The following LRP1B variants were observed in gnomAD, a reference collection of about 807,000 sequenced individuals.
LRP1B encodes the protein low-density lipoprotein receptor-related protein 1B.
Under a neutral mutation model 556.6 loss-of-function variants are expected in LRP1B, and 217 were observed. That is an observed-to-expected ratio of 0.39 (90% CI 0.35 to 0.44). The LOEUF (loss-of-function observed/expected upper bound fraction) is 0.44, where lower values mean the gene tolerates loss of function less well. Among genes scored for constraint, LRP1B ranks in the 20% least tolerant of loss-of-function variants. The pLI is 1.00. For missense variants in LRP1B, 5,053 were observed against 5,620.8 expected, an observed-to-expected ratio of 0.90 and a Z score of 3.23; for synonymous variants, 2,047 against 1,865.8, an observed-to-expected ratio of 1.10 and a Z score of -2.50.
chr2:140,873,942 T>A lies in LRP1B; in HGVS notation c.4170-5679A>T, dbSNP rs564162091. ...GAAAGTTATAAAAATAAAGAGGTTTTTTTTTGGTAAGAAAGCTTAAAGAGA... is the reference window on the plus strand; with the variant it reads ...GAAAGTTATAAAAATAAAGAGGTTTATTTTTGGTAAGAAAGCTTAAAGAGA... On this transcript the variant is annotated intron_variant, in intron 25 of 90. Transcript: ENST00000389484. Among the ~76,000 whole-genome samples, 4 of 151,964 alleles carry A rather than the reference T, an allele frequency of 2.6e-5. No individual in the cohort carries two copies. The South Asian group carries it at 8.3e-4, about 31-fold the overall frequency.
intron 3 of LRP1B, among the ~76,000 whole-genome samples, chr2:141,289,452 T>G (rs1233464454): frequency 6.8e-6 from 1 of 147,918 alleles, no homozygotes; most frequent in East Asian, 2.1e-4. Flanking sequence ...TATAATAATC[T>G]CACATAAATT....
rs115978473 is a variant in LRP1B, at chr2:141,473,693, T to G, written c.343+6703A>C. On this transcript the variant is annotated intron_variant, in intron 3 of 90. Transcript: ENST00000389484. ...CCTAGGTCTTCCTGGGTAATTCCAC[T>G]TCTTTGTTTCTTAGCTGTAGACTTA... Among the ~76,000 whole-genome samples the G allele has an allele frequency of 6.6e-3, 1,010 of 152,276 alleles. 13 individuals carry two copies. Among genetic ancestry groups the G allele is most frequent in the African/African-American group, 0.023 (976 of 41,558 alleles).
intron 2 of LRP1B, among the ~76,000 whole-genome samples, chr2:141,582,021 AAT>A (rs1262737339): frequency 1.3e-5 from 2 of 152,240 alleles, no homozygotes; most frequent in African/African-American, 4.8e-5. Flanking sequence ...AGTAATGTCA[AAT>A]ATATGAACGA....
intron 3 of LRP1B, among the ~76,000 whole-genome samples, chr2:141,351,458 C>G (rs776074621): frequency 4.6e-5 from 7 of 151,998 alleles, no homozygotes; most frequent in Non-Finnish European, 8.8e-5. Context: ...TCTGACCAGG[C>G]TGTTCTATAT....
chr2:141,472,680 T>C (rs1165151661), intron 3 of LRP1B, among the ~76,000 whole-genome samples: 1 of 152,208 alleles, frequency 6.6e-6, no homozygotes, highest in Non-Finnish European at 1.5e-5. Context: ...GTAACTTCAT[T>C]TGAAACCACT....
rs1013270598 is a variant in LRP1B at position 140,258,279 on chromosome 2, T to A, written c.13248-11117A>T. Among the ~76,000 whole-genome samples, 7 of 151,666 alleles carry A rather than the reference T, an allele frequency of 4.6e-5. No individual in the cohort carries two copies. In the East Asian group the frequency reaches 9.8e-4, roughly 21 times the overall value. On this transcript the variant is annotated intron_variant, in intron 86 of 90. Coordinates refer to ENST00000389484, the MANE Select transcript of LRP1B (RefSeq NM_018557.3). ...CTCTAAATGAATGTCCCTGTGGTAC[T>A]TACATATTCACCTTGAATCCTTCTG...
At chr2:140,685,502 G>A (rs1443368814) in intron 41 of LRP1B, among the ~76,000 whole-genome samples, 1 of 152,162 alleles carries the variant, frequency 6.6e-6, no homozygotes, top group African/African-American at 2.4e-5. Flanking sequence ...GTGAACAGGA[G>A]AAGACAGGCT....
intron 59 of LRP1B, among the ~76,000 whole-genome samples, chr2:140,478,392 G>A (rs946718772): frequency 6.6e-5 from 10 of 151,894 alleles, no homozygotes; most frequent in South Asian, 2.1e-4. Flanking sequence ...CTTGTGATCC[G>A]CCTGCCTCAG....
At chr2:141,102,572 C>T (rs959902860) in intron 7 of LRP1B, among the ~76,000 whole-genome samples, 4 of 151,854 alleles carry the variant, frequency 2.6e-5, no homozygotes, top group East Asian at 1.9e-4. Context: ...GGTGCAAATA[C>T]GGCCAAATGA....
chr2:141,056,137 G>C (rs1459230824), intron 9 of LRP1B, among the ~76,000 whole-genome samples: 1 of 151,614 alleles, frequency 6.6e-6, no homozygotes, highest in Non-Finnish European at 1.5e-5. Flanking sequence ...TATTATCTTT[G>C]TATTCTTCAT....
chr2:140,808,189 T>C (rs1690791227), intron 32 of LRP1B, among the ~76,000 whole-genome samples: 1 of 78,618 alleles, frequency 1.3e-5, no homozygotes, highest in Non-Finnish European at 3.4e-5. Flanking sequence ...TGAAAGGTGT[T>C]AACAGTCCTC....
rs569547136 is a variant in LRP1B at position 140,571,058 on chromosome 2, T to C, written c.7194+27573A>G. 1.1e-4 allele frequency among the ~76,000 whole-genome samples: 16 copies of C among 152,010 alleles called. No individual in the cohort carries two copies. In the East Asian group the frequency reaches 2.9e-3, roughly 27 times the overall value. On this transcript the variant is annotated intron_variant, in intron 43 of 90. Transcript: ENST00000389484. ...AGCACAAAGCTAACATCATACTTAA[T>C]GAAGCAAAGCTGAAAGCTTTTTCTT...
intron 35 of LRP1B, among the ~76,000 whole-genome samples, chr2:140,723,377 ATAG>A (rs1687482103): frequency 1.3e-5 from 2 of 152,184 alleles, no homozygotes. Context: ...TATTATTCAA[ATAG>A]TAGCAAGTGC....
intron 86 of LRP1B, among the ~76,000 whole-genome samples, chr2:140,269,658 A>G (rs1682370745): frequency 6.6e-6 from 1 of 151,824 alleles, no homozygotes; most frequent in African/African-American, 2.4e-5. Context: ...CAAATTGTCC[A>G]CTCTGGACAA....
At chr2:140,873,709 C>T (rs1693211833) in intron 25 of LRP1B, among the ~76,000 whole-genome samples, 2 of 151,656 alleles carry the variant, frequency 1.3e-5, no homozygotes, top group South Asian at 4.1e-4. Flanking sequence ...TAAACAAACT[C>T]ATCATAATTT....
intron 14 of LRP1B, 106 bp from the exon 15 acceptor site, chr2:141,005,563 T>A (rs1201130715): frequency 1.1e-6 from 1 of 875,156 alleles, no homozygotes. Context: ...ATGTATATTA[T>A]ATATTTAGTA....
intron 6 of LRP1B, among the ~76,000 whole-genome samples, chr2:141,207,314 T>C (rs1303159910): frequency 6.6e-6 from 1 of 152,208 alleles, no homozygotes; most frequent in Non-Finnish European, 1.5e-5. Flanking sequence ...TTACAGACTT[T>C]AAAATAATTT....
intron 2 of LRP1B, among the ~76,000 whole-genome samples, chr2:141,761,094 C>A (rs1694528790): frequency 6.6e-6 from 1 of 152,078 alleles, no homozygotes; most frequent in Non-Finnish European, 1.5e-5. Context: ...TGAAATATTG[C>A]ATAGGAATAC....
chr2:141,292,795 C>T (rs1416296538), intron 3 of LRP1B, among the ~76,000 whole-genome samples: 2 of 152,042 alleles, frequency 1.3e-5, no homozygotes, highest in South Asian at 2.1e-4. Context: ...TAACATGAAT[C>T]GAAATAAACT....
Sources: allele counts gnomAD v4.1 joint callset (sites outside exome capture counted in the v4.1 genomes callset), GRCh38; gene constraint gnomAD v4.1.1; transcripts MANE v1.5; gene names NCBI Gene and HGNC (gene_info 2026-07-23, HGNC 2026-07-21).